Variants in GLI1 observed in about 807,000 individuals in gnomAD.
GLI1 encodes transcription activator GLI1.
A neutral mutation model predicts 87.8 loss-of-function variants in GLI1; 51 were observed. The ratio of observed to expected loss-of-function variants is 0.58; its 90% CI spans 0.46 to 0.73. The LOEUF is 0.73. GLI1 is among the 30% of genes least tolerant of loss of function. The pLI is 0.00. For synonymous variants in GLI1, 528 were observed against 558.2 expected (o/e 0.95, Z 0.76); for missense variants, 1,292 against 1,437.2 (o/e 0.90, Z 1.63).
chr12:57,467,243 CTGA>C, intron 8 of GLI1, 87 bp from the exon 9 acceptor site: 1 of 1,086,796 alleles, frequency 9.2e-7, no homozygotes, highest in Non-Finnish European at 1.3e-6. Context: ...GTTATATTCT[CTGA>C]TGTGTGTCCT....
chr12:57,459,964 T>A lies in GLI1; in HGVS notation c.-265T>A, dbSNP rs947658909. Among the ~76,000 whole-genome samples, 5 of 150,750 alleles carry A rather than the reference T, an allele frequency of 3.3e-5. No homozygotes were observed. The highest frequency in any genetic ancestry group is 1.2e-4 in the African/African-American group (5 of 40,890). ...GGAAGAGCGGCGGCGCGCCAGCGGC[T>A]GGAGAGAGAAAAAGTTTTTGCAAAA... On this transcript the variant is annotated 5_prime_UTR_variant, in exon 1 of 12. Transcript: ENST00000228682.
chr12:57,469,723 G>C (rs375299184), intron 11 of GLI1, 25 bp downstream of exon 11: 34 of 1,608,216 alleles, frequency 2.1e-5, no homozygotes, highest in Non-Finnish European at 2.7e-5. Flanking sequence ...TGGGAGGTGT[G>C]GCTGGGGTGA....
At position 57,471,250 on chromosome 12, in the gene GLI1, C is replaced by A; in HGVS notation, c.2510C>A (p.Pro837His). 2 of 1,601,542 alleles carry A rather than the reference C, an allele frequency of 1.2e-6. No individual in the cohort carries two copies. Among genetic ancestry groups the A allele is most frequent in the East Asian group, 4.5e-5 (2 of 44,840 alleles). The part of the protein sequence containing the change: ...TGLAPCLNAH[P>H]SEGPPHPQPL... ...CTGGCACCCTGCCTCAATGCCCACC[C>A]CAGTGAGGGGCCCCCACATCCACAG... is the stretch of plus-strand genomic sequence containing the variant. The change falls in exon 12 of 12, where the codon CCC (proline) becomes CAC (histidine). Residue 837 changes from proline (P) to histidine (H), a missense_variant. This residue lies in a region of GLI1 where 897 missense variants were observed against 1,040.7 expected (regional missense o/e 0.86). Coordinates refer to ENST00000228682, the MANE Select transcript of GLI1 (RefSeq NM_005269.3). The surrounding 1 kb of genome is among the most constrained non-coding windows in gnomAD (Gnocchi z 4.9).
At chr12:57,467,932 A>G (rs1385002231) in intron 9 of GLI1, 62 bp from the exon 10 acceptor site, 5 of 1,244,214 alleles carry the variant, frequency 4.0e-6, no homozygotes, top group African/African-American at 3.0e-5. Flanking sequence ...ACTTTTTCCC[A>G]TTTCTTCTGC....
At chr12:57,460,887 C>A (rs1180041065) in intron 1 of GLI1, among the ~76,000 whole-genome samples, 5 of 152,074 alleles carry the variant, frequency 3.3e-5, no homozygotes, top group African/African-American at 1.2e-4. Flanking sequence ...GCCGGGGAGA[C>A]CTTGTCTTGA....
chr12:57,471,163 A>G lies in GLI1; in HGVS notation c.2423A>G (p.His808Arg). The G allele has an allele frequency of 6.2e-7, 1 of 1,608,302 alleles. No homozygotes were observed. The highest frequency in any genetic ancestry group is 1.1e-5 in the South Asian group (1 of 90,364). The change falls in exon 12 of 12, where the codon CAT becomes CGT. Residue 808 changes from histidine (H) to arginine (R), a missense_variant. His to Arg is a conservative substitution (Grantham distance 29, BLOSUM62 0). This residue lies in a region of GLI1 where 897 missense variants were observed against 1,040.7 expected (regional missense o/e 0.86). Coordinates refer to ENST00000228682, the MANE Select transcript of GLI1 (RefSeq NM_005269.3). The surrounding 1 kb of genome is among the most constrained non-coding windows in gnomAD (Gnocchi z 4.9). The stretch of plus-strand genomic sequence containing the variant: ...TACAGCCAGTGTCCTCGACTTGAAC[A>G]TTATGGACAAGTGCAAGTCAAGCCA... ...GTYSQCPRLE[H>R]YGQVQVKPEQ...
At chr12:57,469,774 T>C (rs1871746965) in intron 11 of GLI1, 76 bp downstream of exon 11, 24 of 1,352,752 alleles carry the variant, frequency 1.8e-5, no homozygotes, top group Non-Finnish European at 2.5e-5. Flanking sequence ...GAAGTCACCC[T>C]TGAGGGCTGT....
rs192168783 is a variant in GLI1 at position 57,470,991 on chromosome 12, C to T, written c.2251C>T (p.Leu751=). The T allele has an allele frequency of 6.2e-7, 1 of 1,612,274 alleles. No individual in the cohort carries two copies. The highest frequency in any genetic ancestry group is 1.3e-5 in the African/African-American group (1 of 75,002). ...EPYGARGPGS[L]PLGPGPPTNY... The stretch of plus-strand genomic sequence containing the variant: ...TTATGGAGCGAGGGGTCCAGGCTCT[C>T]TGCCTCTTGGGCCTGGTCCACCCAC... The change falls in exon 12 of 12, where the codon CTG becomes TTG. Residue 751 remains leucine, a synonymous_variant. Coordinates refer to ENST00000228682, the MANE Select transcript of GLI1 (RefSeq NM_005269.3).
At position 57,466,271 on chromosome 12, in the gene GLI1, G is replaced by T; in HGVS notation, c.794G>T (p.Arg265Leu). The T allele has an allele frequency of 6.2e-7, 1 of 1,613,888 alleles. No individual in the cohort carries two copies. The highest frequency in any genetic ancestry group is 8.5e-7 in the Non-Finnish European group (1 of 1,179,920). Residue 265 changes from arginine to leucine, a missense_variant, in exon 8 of 12, where the codon CGG becomes CTG. Physicochemically the swap from Arg to Leu is moderately radical, Grantham distance 102. Transcript: ENST00000228682. ...AACAGCGAGCACATCCACGGGGAGC[G>T]GAAGGAGTTCGTGTGCCACTGGGGG... ...HINSEHIHGE[R>L]KEFVCHWGGC...
intron 1 of GLI1, among the ~76,000 whole-genome samples, chr12:57,461,105 AC>A (rs1844600052): frequency 6.6e-6 from 1 of 151,850 alleles, no homozygotes; most frequent in African/African-American, 2.4e-5. Flanking sequence ...AGGTCCCATG[AC>A]CCCGAAACAA....
intron 1 of GLI1, among the ~76,000 whole-genome samples, chr12:57,461,758 C>A (rs1871152953): frequency 1.5e-5 from 2 of 131,796 alleles, no homozygotes; most frequent in Admixed American, 1.5e-4. Context: ...CGAGGAGGCA[C>A]GGGGGCGGGG....
intron 1 of GLI1, among the ~76,000 whole-genome samples, chr12:57,460,850 G>C (rs2139844787): frequency 6.6e-6 from 1 of 152,240 alleles, no homozygotes; most frequent in African/African-American, 2.4e-5. Flanking sequence ...TGAGTCCCAA[G>C]GGCTGTGGGC....
chr12:57,465,942 A>G lies in GLI1; in HGVS notation c.762+17A>G. 6.2e-7 allele frequency: 1 copy of G among 1,610,264 alleles called. No individual in the cohort carries two copies. On this transcript the variant is annotated intron_variant, in intron 7 of 11. Coordinates refer to ENST00000228682, the MANE Select transcript of GLI1 (RefSeq NM_005269.3). ...CTGGTGCACGTGAGCCCCAGGGGGT[A>G]ACAGGAATGGCTAGCCAGAACCTTT...
intron 10 of GLI1, 87 bp downstream of exon 10, chr12:57,468,311 T>A: frequency 1.2e-6 from 1 of 817,854 alleles, no homozygotes; most frequent in Non-Finnish European, 2.0e-6. Flanking sequence ...ATCCATTCCC[T>A]CCTATAGAAG....
intron 1 of GLI1, among the ~76,000 whole-genome samples, chr12:57,462,897 G>C (rs1466365561): frequency 6.6e-6 from 1 of 152,182 alleles, no homozygotes; most frequent in Non-Finnish European, 1.5e-5. Flanking sequence ...GCACGAGAAG[G>C]AAGGGGGAAC....
intron 1 of GLI1, among the ~76,000 whole-genome samples, chr12:57,461,123 C>T (rs1001503309): frequency 1.3e-5 from 2 of 152,216 alleles, no homozygotes; most frequent in African/African-American, 4.8e-5. Context: ...ACAATCAGCA[C>T]TGGGCAGCTA....
In GLI1 at chr12:57,471,063, C is replaced by G. The variant is rs200374961; in HGVS notation, c.2323C>G (p.Pro775Ala). The G allele has an allele frequency of 2.5e-6, 4 of 1,611,716 alleles. No individual in the cohort carries two copies. The highest frequency in any genetic ancestry group is 3.3e-5 in the Admixed American group (2 of 59,818). The change falls in exon 12 of 12, where the codon CCC becomes GCC. Residue 775 changes from proline to alanine, a missense_variant. Pro to Ala is a conservative substitution (Grantham distance 27). Transcript: ENST00000228682. This position sits in a 1 kb window ranked among gnomAD's most constrained non-coding sequence, Gnocchi z 4.9. Reference sequence around the variant, plus strand: ...TCCCCAGCAGGCCTCATATCCTGACCCCACCCAAGAAACATGGGGTGAGTT... The same window carrying G: ...TCCCCAGCAGGCCTCATATCCTGACGCCACCCAAGAAACATGGGGTGAGTT... The part of the protein sequence containing the change: ...PCPQQASYPD[P>A]TQETWGEFPS...
At chr12:57,463,965 C>A in intron 2 of GLI1, 34 bp from the exon 3 acceptor site, 1 of 1,482,456 alleles carries the variant, frequency 6.7e-7, no homozygotes, top group Non-Finnish European at 9.4e-7. Flanking sequence ...TTTATGTATC[C>A]TCCATTCCCA....
chr12:57,464,477 G>A (rs1871341766), intron 3 of GLI1, among the ~76,000 whole-genome samples, 196 bp from the exon 4 acceptor site: 1 of 151,576 alleles, frequency 6.6e-6, no homozygotes, highest in South Asian at 2.1e-4. Context: ...GAGGCAAGAT[G>A]GTGCCACGCA....
Sources: gnomAD v4.1 joint callset for allele counts (sites outside exome capture counted in the v4.1 genomes callset) on GRCh38, gnomAD v4.1.1 for gene constraint, gnomAD v4.1.1 regional missense constraint, Gnocchi (gnomAD v3.1) non-coding constraint, MANE v1.5 for transcripts, NCBI Gene and HGNC (gene_info 2026-07-23, HGNC 2026-07-21) for gene names.